Variants in OTOGL observed in about 807,000 individuals in gnomAD.
OTOGL encodes otogelin-like protein.
OTOGL carries 285 observed loss-of-function variants against 318.5 expected under a neutral mutation model. The ratio of observed to expected loss-of-function variants is 0.89; its 90% CI spans 0.81 to 0.99. The LOEUF (loss-of-function observed/expected upper bound fraction) is 0.99, where lower values mean the gene tolerates loss of function less well. Among genes scored for constraint, OTOGL ranks in the 50% least tolerant of loss-of-function variants. The probability of loss-of-function intolerance (pLI) is 0.00; values close to 1 mark genes in which losing one functional copy is unlikely to be tolerated. For missense variants in OTOGL, 2,899 were observed against 2,845.6 expected (o/e 1.02, Z -0.43); for synonymous variants, 987 against 936.5 (o/e 1.05, Z -0.99).
intron 5 of OTOGL, among the ~76,000 whole-genome samples, chr12:80,218,548 T>C (rs1877962608): frequency 6.6e-6 from 1 of 152,182 alleles, no homozygotes; most frequent in Admixed American, 6.5e-5. Context: ...AGTTGCCTCT[T>C]GTCCTCTCCT....
intron 50 of OTOGL, 76 bp downstream of exon 50, chr12:80,358,425 G>A: frequency 8.4e-7 from 1 of 1,195,458 alleles, no homozygotes; most frequent in Non-Finnish European, 1.2e-6. Context: ...TTAGTTGGCT[G>A]TTACATCAGA....
chr12:80,368,897 G>A (rs1172133109), intron 55 of OTOGL, among the ~76,000 whole-genome samples: 1 of 150,180 alleles, frequency 6.7e-6, no homozygotes, highest in Non-Finnish European at 1.5e-5. Flanking sequence ...CAACAGATTA[G>A]CATAAATATA....
chr12:80,378,084 A>G lies in OTOGL; in HGVS notation c.*36A>G, dbSNP rs1195162811. The G allele has an allele frequency of 1.4e-6, 2 of 1,435,698 alleles. No individual in the cohort carries two copies. The highest frequency in any genetic ancestry group is 2.8e-5 in the African/African-American group (2 of 70,564). The allele number at this position is 1,435,698 out of a possible 1,614,324, so 88.9% of individuals were successfully genotyped here. On this transcript the variant is annotated 3_prime_UTR_variant, in exon 59 of 59. Transcript: ENST00000547103. Reference sequence around the variant, plus strand: ...TCCAAGAGCTCTATACAACATCATAACGTCAGATAGAATTAACTTTTATTG... The same window carrying G: ...TCCAAGAGCTCTATACAACATCATAGCGTCAGATAGAATTAACTTTTATTG...
intron 26 of OTOGL, among the ~76,000 whole-genome samples, chr12:80,291,032 T>A (rs544904858): frequency 6.6e-6 from 1 of 152,302 alleles, no homozygotes; most frequent in Non-Finnish European, 1.5e-5. Flanking sequence ...CTTTTTTTAG[T>A]AGAGAAAATG....
intron 1 of OTOGL, among the ~76,000 whole-genome samples, chr12:80,149,571 C>G (rs1221090272): frequency 6.6e-6 from 1 of 152,160 alleles, no homozygotes; most frequent in Non-Finnish European, 1.5e-5. Flanking sequence ...GCAGGCAGGC[C>G]TCCTTGAGCT....
chr12:80,185,359 T>G (rs112053508), intron 1 of OTOGL, among the ~76,000 whole-genome samples: 11,195 of 152,226 alleles, frequency 0.074, 1,342 homozygotes, highest in African/African-American at 0.26. Context: ...CTTGGCTCAC[T>G]GCAACCTCTG....
chr12:80,119,056 A>G (rs1870335453), intron 1 of OTOGL, among the ~76,000 whole-genome samples: 1 of 152,142 alleles, frequency 6.6e-6, no homozygotes, highest in Admixed American at 6.5e-5. Context: ...TGGGAATTTG[A>G]GGAGCATGAT....
At chr12:80,303,192 G>A (rs765608723) in intron 28 of OTOGL, among the ~76,000 whole-genome samples, 11 of 152,064 alleles carry the variant, frequency 7.2e-5, no homozygotes, top group Non-Finnish European at 1.5e-4. Flanking sequence ...GTCTGGCTCT[G>A]TCGCCCAGGC....
chr12:80,320,793 C>CATATA, intron 34 of OTOGL, 93 bp downstream of exon 34: 3 of 1,293,814 alleles, frequency 2.3e-6, no homozygotes, highest in Non-Finnish European at 3.1e-6. Flanking sequence ...ATTCTTACTG[C>CATATA]ATATAAGCAG....
chr12:80,102,155 C>A (rs1362853588), intron 1 of OTOGL, among the ~76,000 whole-genome samples: 1 of 152,162 alleles, frequency 6.6e-6, no homozygotes, highest in Non-Finnish European at 1.5e-5. Context: ...AACTGTGTGA[C>A]TGAGCAACTT....
chr12:80,165,781 T>C (rs1873791860), intron 1 of OTOGL, among the ~76,000 whole-genome samples: 1 of 152,218 alleles, frequency 6.6e-6, no homozygotes, highest in African/African-American at 2.4e-5. Flanking sequence ...CTTACCCCTT[T>C]AGGCCTAAAT....
chr12:80,257,682 C>A, intron 17 of OTOGL, 143 bp from the exon 18 acceptor site: 2 of 793,374 alleles, frequency 2.5e-6, no homozygotes, highest in Non-Finnish European at 3.7e-6. Flanking sequence ...AAAAATTTGG[C>A]CCTGAAGCAC....
intron 52 of OTOGL, 38 bp from the exon 53 acceptor site, chr12:80,366,536 A>T: frequency 5.7e-6 from 1 of 176,952 alleles, no homozygotes; most frequent in Non-Finnish European, 9.3e-6. Flanking sequence ...TATATAAAAT[A>T]AGCTAAATGA....
chr12:80,287,465 T>C (rs981326655), intron 26 of OTOGL, among the ~76,000 whole-genome samples: 1 of 151,836 alleles, frequency 6.6e-6, no homozygotes, highest in Admixed American at 6.5e-5. Flanking sequence ...TAATTTTCTG[T>C]CTTGTTGATA....
At position 80,380,223 on chromosome 12, in the gene OTOGL, T is replaced by C. The variant is rs1050762942; in HGVS notation, c.*2175T>C. ...AGAAATCTTAGATTGGGGAGAGCCA[T>C]TCTAATTGTGACTCAGTATCCAGAT... On this transcript the variant is annotated 3_prime_UTR_variant, in exon 59 of 59. Transcript: ENST00000547103. 2.0e-5 allele frequency: 3 copies of C among 151,990 alleles called. No homozygotes were observed. The highest frequency in any genetic ancestry group is 7.2e-5 in the African/African-American group (3 of 41,414). 9.4% of individuals were successfully genotyped at this position (151,990 alleles called of 1,614,324 possible).
In OTOGL at chr12:80,333,697, G is replaced by T. The variant is rs866881281; in HGVS notation, c.4422+619G>T. Among the ~76,000 whole-genome samples the T allele has an allele frequency of 3.3e-5, 5 of 152,224 alleles. No individual in the cohort carries two copies. In the South Asian group the frequency reaches 1.0e-3, roughly 32 times the overall value. On this transcript the variant is annotated intron_variant, in intron 38 of 58. Coordinates refer to ENST00000547103, the MANE Select transcript of OTOGL (RefSeq NM_001378609.3). Reference sequence around the variant, plus strand: ...CAAAATAAATGAAGTTATATAAAATGTCAGAGGTGCTGGTCAGGAGAAAAA... The same window carrying T: ...CAAAATAAATGAAGTTATATAAAATTTCAGAGGTGCTGGTCAGGAGAAAAA...
chr12:80,266,891 C>T (rs750513714), intron 21 of OTOGL, among the ~76,000 whole-genome samples: 1 of 152,090 alleles, frequency 6.6e-6, no homozygotes, highest in Non-Finnish European at 1.5e-5. Flanking sequence ...AGTAGCAGGA[C>T]TTTAATATCT....
Position 80,336,560 on chromosome 12 carries a change from G to A in OTOGL, c.4743+5G>A. The A allele has an allele frequency of 5.6e-6, 9 of 1,601,656 alleles. No homozygotes were observed. Among genetic ancestry groups the A allele is most frequent in the Non-Finnish European group, 7.7e-6 (9 of 1,173,158 alleles). ...GAAAAATGTTCCATGAATCAGGTGG[G>A]TCATAATTTATTTTTGCAGTCATTT... On this transcript the variant is annotated splice_donor_5th_base_variant and intron_variant, in intron 40 of 58. Transcript: ENST00000547103.
chr12:80,292,720 A>C (rs1885127357), intron 26 of OTOGL, among the ~76,000 whole-genome samples: 1 of 152,244 alleles, frequency 6.6e-6, no homozygotes, highest in Non-Finnish European at 1.5e-5. Flanking sequence ...ACAATAATTT[A>C]ATGTAATAGT....
Sources: gnomAD v4.1 joint callset for allele counts (sites outside exome capture counted in the v4.1 genomes callset) on GRCh38, gnomAD v4.1.1 for gene constraint, MANE v1.5 for transcripts, NCBI Gene and HGNC (gene_info 2026-07-23, HGNC 2026-07-21) for gene names.